Variants in WWOX observed in about 807,000 individuals in gnomAD.
WWOX encodes the protein WW domain-containing oxidoreductase.
WWOX carries 69 observed loss-of-function variants against 46.2 expected under a neutral mutation model. The ratio of observed to expected loss-of-function variants is 1.49; its 90% CI spans 1.23 to 1.82. The LOEUF (loss-of-function observed/expected upper bound fraction) is 1.82, where lower values mean the gene tolerates loss of function less well. Ranked by LOEUF, WWOX falls within the 40% of genes most tolerant of loss-of-function variation. WWOX has a pLI of 0.00. For synonymous variants in WWOX, 359 were observed against 202.6 expected, an observed-to-expected ratio of 1.77 and a Z score of -6.56; for missense variants, 919 against 542.6, an observed-to-expected ratio of 1.69 and a Z score of -6.89.
chr16:78,915,495 C>G (rs1386336512), intron 8 of WWOX, among the ~76,000 whole-genome samples: 2 of 152,094 alleles, frequency 1.3e-5, no homozygotes, highest in Non-Finnish European at 2.9e-5. Context: ...GCCAATGAGC[C>G]TACACAGAAT....
chr16:78,819,262 C>G (rs1320782058), intron 8 of WWOX, among the ~76,000 whole-genome samples: 1 of 152,140 alleles, frequency 6.6e-6, no homozygotes, highest in African/African-American at 2.4e-5. Flanking sequence ...GCAGGTGGGA[C>G]TTGATTCTGG....
chr16:78,974,779 G>C (rs1443944720), intron 8 of WWOX, among the ~76,000 whole-genome samples: 1 of 152,172 alleles, frequency 6.6e-6, no homozygotes, highest in Non-Finnish European at 1.5e-5. Flanking sequence ...CCACCCTTCA[G>C]AATGGGATGT....
chr16:78,440,840 A>C (rs1246993526), intron 8 of WWOX, among the ~76,000 whole-genome samples: 1 of 152,082 alleles, frequency 6.6e-6, no homozygotes, highest in East Asian at 1.9e-4. Flanking sequence ...GCTGGTCTCA[A>C]ACTCCTGACC....
chr16:78,749,317 G>GA (rs1242204845), intron 8 of WWOX, among the ~76,000 whole-genome samples: 3 of 151,830 alleles, frequency 2.0e-5, no homozygotes, highest in Non-Finnish European at 2.9e-5. Flanking sequence ...GAGGAAAGGG[G>GA]AAAAAAATGG....
intron 1 of WWOX, among the ~76,000 whole-genome samples, chr16:78,100,609 T>C (rs1261162750): frequency 1.3e-5 from 2 of 152,212 alleles, no homozygotes; most frequent in Non-Finnish European, 2.9e-5. Context: ...GGGAAAGTTT[T>C]GGAAACCCCA....
intron 8 of WWOX, among the ~76,000 whole-genome samples, chr16:79,099,806 T>G (rs2049154914): frequency 6.6e-6 from 1 of 152,134 alleles, no homozygotes; most frequent in Admixed American, 6.5e-5. Context: ...AAAATAAGGT[T>G]GTGGATCATT....
chr16:78,610,255 C>G (rs1019030392), intron 8 of WWOX, among the ~76,000 whole-genome samples: 1 of 152,058 alleles, frequency 6.6e-6, no homozygotes, highest in African/African-American at 2.4e-5. Flanking sequence ...ATAATTCTTC[C>G]CAGAGATATG....
chr16:79,168,280 G>A (rs1454012919), intron 8 of WWOX, among the ~76,000 whole-genome samples: 1 of 152,138 alleles, frequency 6.6e-6, no homozygotes, highest in Non-Finnish European at 1.5e-5. Context: ...ATCAGTCTAG[G>A]TTTAACTTTT....
intron 8 of WWOX, among the ~76,000 whole-genome samples, chr16:78,469,865 A>G (rs937063554): frequency 2.0e-5 from 3 of 152,214 alleles, no homozygotes; most frequent in Non-Finnish European, 4.4e-5. Flanking sequence ...CAGATCTAAG[A>G]CAAACCGATA....
At chr16:78,290,617 C>T (rs1309828210) in intron 5 of WWOX, among the ~76,000 whole-genome samples, 2 of 151,734 alleles carry the variant, frequency 1.3e-5, no homozygotes, top group East Asian at 3.9e-4. Context: ...ACACATAATT[C>T]AAAGGTAATG....
At chr16:78,916,832 G>T (rs1036326604) in intron 8 of WWOX, among the ~76,000 whole-genome samples, 15 of 152,314 alleles carry the variant, frequency 9.8e-5, no homozygotes, top group African/African-American at 3.6e-4. Flanking sequence ...AGTTGCCAGT[G>T]TTAAACCCTT....
At chr16:79,094,912 G>A (rs913467615) in intron 8 of WWOX, among the ~76,000 whole-genome samples, 9 of 152,108 alleles carry the variant, frequency 5.9e-5, no homozygotes, top group African/African-American at 1.9e-4. Context: ...CGTCGTGGGC[G>A]ATTTTTTTCA....
intron 8 of WWOX, among the ~76,000 whole-genome samples, chr16:78,483,924 CTG>C (rs1470216288): frequency 2.6e-5 from 4 of 152,282 alleles, no homozygotes; most frequent in African/African-American, 9.6e-5. Flanking sequence ...GGTTTTGTGG[CTG>C]TGACAGAACA....
intron 8 of WWOX, among the ~76,000 whole-genome samples, chr16:78,741,046 G>A (rs1009895467): frequency 1.3e-5 from 2 of 152,136 alleles, no homozygotes; most frequent in African/African-American, 2.4e-5. Flanking sequence ...GGCCAGCAAA[G>A]TCCCTGTCCA....
chr16:78,460,945 G>A (rs1597117155), intron 8 of WWOX, among the ~76,000 whole-genome samples: 1 of 152,068 alleles, frequency 6.6e-6, no homozygotes, highest in South Asian at 2.1e-4. Flanking sequence ...TAGTGACAGG[G>A]GTATCAGTAA....
chr16:78,107,576 A>ATGGGTAGG (rs1567573499), intron 1 of WWOX, among the ~76,000 whole-genome samples: 32 of 152,026 alleles, frequency 2.1e-4, no homozygotes, highest in African/African-American at 5.8e-4. Context: ...GCACAGCTAG[A>ATGGGTAGG]TGCCCTATGG....
intron 8 of WWOX, among the ~76,000 whole-genome samples, chr16:78,476,639 G>C (rs1205390462): frequency 2.0e-5 from 3 of 151,518 alleles, no homozygotes; most frequent in Non-Finnish European, 4.4e-5. Context: ...AAGAACTGGA[G>C]CATCGACTTT....
At chr16:78,384,013 C>A (rs772972734) in intron 5 of WWOX, among the ~76,000 whole-genome samples, 1 of 152,128 alleles carries the variant, frequency 6.6e-6, no homozygotes, top group Non-Finnish European at 1.5e-5. Context: ...TTGTAAGTTA[C>A]TTACAGAGAA....
At chr16:78,710,361 C>G (rs2048412379) in intron 8 of WWOX, among the ~76,000 whole-genome samples, 1 of 150,634 alleles carries the variant, frequency 6.6e-6, no homozygotes, top group Non-Finnish European at 1.5e-5. Context: ...CTTCCTTTTC[C>G]CAGTGCGCAC....
Sources: allele counts gnomAD v4.1 joint callset (sites outside exome capture counted in the v4.1 genomes callset), GRCh38; gene constraint gnomAD v4.1.1; transcripts MANE v1.5; gene names NCBI Gene and HGNC (gene_info 2026-07-23, HGNC 2026-07-21).